SCRG1: variants seen among roughly 807,000 people sequenced by gnomAD.
The protein encoded by SCRG1 is scrapie-responsive protein 1.
A neutral mutation model predicts 7.7 loss-of-function variants in SCRG1; 3 were observed. That is an observed-to-expected ratio of 0.39 (90% CI 0.18 to 1.01). The LOEUF is 1.01. Ranked by LOEUF, SCRG1 falls within the 50% of genes least tolerant of loss-of-function variation. SCRG1 has a pLI of 0.36. For missense variants in SCRG1, 110 were observed against 117.2 expected, an observed-to-expected ratio of 0.94 and a Z score of 0.28; for synonymous variants, 46 against 41.2, an observed-to-expected ratio of 1.12 and a Z score of -0.44.
the SCRG1 span, among the ~76,000 whole-genome samples, chr4:173,450,115 T>C: frequency 1.3e-5 from 2 of 152,112 alleles, no homozygotes; most frequent in Non-Finnish European, 2.9e-5. Flanking sequence ...CTTACAGTCA[T>C]GGTGAAAAGT....
At chr4:173,425,532 C>T in the SCRG1 span, among the ~76,000 whole-genome samples, 1 of 152,148 alleles carries the variant, frequency 6.6e-6, no homozygotes, top group Non-Finnish European at 1.5e-5. Context: ...TCCTGTGTTC[C>T]CTAGGGGGCA....
chr4:173,515,170 C>A, the SCRG1 span, among the ~76,000 whole-genome samples: 4 of 152,240 alleles, frequency 2.6e-5, no homozygotes, highest in African/African-American at 9.6e-5. This position sits in a 1 kb window ranked among gnomAD's most constrained non-coding sequence, Gnocchi z 4.6. Context: ...TCCTTGGTTT[C>A]CCCAGCTGTT....
At chr4:173,478,069 T>C in the SCRG1 span, among the ~76,000 whole-genome samples, 1 of 152,238 alleles carries the variant, frequency 6.6e-6, no homozygotes, top group South Asian at 2.1e-4. Flanking sequence ...GATAAATCCC[T>C]GAGGAAAAAA....
chr4:173,452,446 G>C, the SCRG1 span, among the ~76,000 whole-genome samples: 1 of 152,132 alleles, frequency 6.6e-6, no homozygotes, highest in Admixed American at 6.5e-5. Flanking sequence ...GACCCATGCA[G>C]TTCAAACTTG....
the SCRG1 span, among the ~76,000 whole-genome samples, chr4:173,472,440 G>A: frequency 1.3e-5 from 2 of 152,330 alleles, no homozygotes; most frequent in East Asian, 3.9e-4. Flanking sequence ...ATTTGCTCAT[G>A]TGATTGTGGA....
At chr4:173,489,198 A>T in the SCRG1 span, among the ~76,000 whole-genome samples, 4 of 152,206 alleles carry the variant, frequency 2.6e-5, no homozygotes, top group Admixed American at 6.5e-5. Flanking sequence ...GAAGCTTTTT[A>T]AAAAATAATC....
chr4:173,408,991 CAA>C (rs991902394), upstream of SCRG1, among the ~76,000 whole-genome samples: 18 of 51,258 alleles, frequency 3.5e-4, no homozygotes, highest in Non-Finnish European at 7.2e-4. Flanking sequence ...GACTCAGTCT[CAA>C]AAAAAAAAAA....
the SCRG1 span, among the ~76,000 whole-genome samples, chr4:173,451,961 T>C: frequency 5.3e-5 from 8 of 152,324 alleles, 1 homozygote; most frequent in Admixed American, 1.3e-4. Flanking sequence ...TTTGGGTTGA[T>C]AGGCATCCAA....
the SCRG1 span, among the ~76,000 whole-genome samples, chr4:173,471,668 A>G: frequency 6.6e-6 from 1 of 152,194 alleles, no homozygotes; most frequent in South Asian, 2.1e-4. Flanking sequence ...GCCTATGTGC[A>G]TACCCATCCC....
the SCRG1 span, among the ~76,000 whole-genome samples, chr4:173,482,554 A>C: frequency 6.6e-6 from 1 of 152,078 alleles, no homozygotes; most frequent in East Asian, 1.9e-4. Context: ...ACAGTGGCTC[A>C]TGTCTGTAAT....
Position 173,387,526 on chromosome 4 carries a change from T to G in SCRG1, c.*815A>C, listed in dbSNP as rs1475380094. 1.3e-5 allele frequency: 2 copies of G among 152,048 alleles called. No individual in the cohort carries two copies. Among genetic ancestry groups the G allele is most frequent in the African/African-American group, 2.4e-5 (1 of 41,376 alleles). The allele number at this position is 152,048 out of a possible 1,614,324, so 9.4% of individuals were successfully genotyped here. On this transcript the variant is annotated 3_prime_UTR_variant, in exon 3 of 3. Coordinates refer to ENST00000296506, the MANE Select transcript of SCRG1 (RefSeq NM_007281.4). ...ATGCAGCTAATTTTTAAATTTTTTT[T>G]GTAAAGACAGGATCTCACTATGTTG...
chr4:173,428,922 C>G, the SCRG1 span, among the ~76,000 whole-genome samples: 1 of 152,180 alleles, frequency 6.6e-6, no homozygotes, highest in African/African-American at 2.4e-5. Context: ...CAAGATCACT[C>G]TTAATTTTTT....
the SCRG1 span, among the ~76,000 whole-genome samples, chr4:173,485,073 A>ATGT: frequency 9.2e-4 from 11 of 12,008 alleles, 2 homozygotes; most frequent in African/African-American, 2.2e-3. Flanking sequence ...TATATATTAT[A>ATGT]TATTATATAA....
chr4:173,506,867 C>A, the SCRG1 span, among the ~76,000 whole-genome samples: 2 of 152,296 alleles, frequency 1.3e-5, no homozygotes, highest in South Asian at 4.1e-4. The surrounding 1 kb of genome is among the most constrained non-coding windows in gnomAD (Gnocchi z 5.3). Flanking sequence ...GGTCTGGGAG[C>A]GAGTGGTTCG....
chr4:173,411,488 A>G, the SCRG1 span, among the ~76,000 whole-genome samples: 8 of 152,340 alleles, frequency 5.3e-5, no homozygotes, highest in East Asian at 1.2e-3. Flanking sequence ...CTCAAACCAC[A>G]TCAGCTGAAT....
the SCRG1 span, among the ~76,000 whole-genome samples, chr4:173,416,026 G>C: frequency 1.3e-5 from 2 of 152,200 alleles, no homozygotes; most frequent in Non-Finnish European, 2.9e-5. Context: ...TGTGCGCCTC[G>C]GGGTGTTTTG....
chr4:173,471,575 T>A, the SCRG1 span, among the ~76,000 whole-genome samples: 1 of 152,058 alleles, frequency 6.6e-6, no homozygotes, highest in Non-Finnish European at 1.5e-5. Context: ...AATGGCCATT[T>A]CAGAGTGAAA....
the SCRG1 span, among the ~76,000 whole-genome samples, chr4:173,422,390 C>A: frequency 3.9e-5 from 6 of 152,058 alleles, no homozygotes; most frequent in Admixed American, 1.3e-4. Flanking sequence ...GGCCAGAAGG[C>A]AAAAATTAAT....
At chr4:173,490,004 G>C in the SCRG1 span, among the ~76,000 whole-genome samples, 1 of 152,134 alleles carries the variant, frequency 6.6e-6, no homozygotes, top group African/African-American at 2.4e-5. Context: ...ATCAGTTCTA[G>C]CCACAGTTCA....
Sources: allele counts gnomAD v4.1 joint callset (sites outside exome capture counted in the v4.1 genomes callset), GRCh38; gene constraint gnomAD v4.1.1; non-coding constraint Gnocchi (gnomAD v3.1); transcripts MANE v1.5; gene names NCBI Gene and HGNC (gene_info 2026-07-23, HGNC 2026-07-21).